Variants in KLHL6 observed in about 807,000 individuals in gnomAD.
The protein encoded by KLHL6 is kelch like family member 6.
Under a neutral mutation model 58.6 loss-of-function variants are expected in KLHL6, and 41 were observed. That is an observed-to-expected ratio of 0.70 (90% CI 0.55 to 0.91). The LOEUF is 0.91. Among genes scored for constraint, KLHL6 ranks in the 40% least tolerant of loss-of-function variants. KLHL6 has a pLI of 0.00. For synonymous variants in KLHL6, 338 were observed against 322.7 expected (o/e 1.05, Z -0.51); for missense variants, 714 against 805.6 (o/e 0.89, Z 1.38).
chr3:183,491,791 C>A lies in KLHL6; in HGVS notation c.*136G>T. On this transcript the variant is annotated 3_prime_UTR_variant, in exon 7 of 7. Transcript: ENST00000341319. ...CCAAACTGTGACTTCCAAGGTTCCC[C>A]CAAAGTGAGTCAAGGGGATCCCCTG... The A allele has an allele frequency of 2.7e-6, 2 of 737,318 alleles. No individual in the cohort carries two copies. Among genetic ancestry groups the A allele is most frequent in the Non-Finnish European group, 4.0e-6 (2 of 501,514 alleles). 45.7% of individuals were successfully genotyped at this position (737,318 alleles called of 1,614,324 possible). A position where few individuals can be genotyped will look rare whatever the true frequency, so the allele number is the denominator to read the frequency against.
rs567055555 is a variant in KLHL6, at chr3:183,549,632, C to T, written c.293+5729G>A. 2.6e-5 allele frequency among the ~76,000 whole-genome samples: 4 copies of T among 152,316 alleles called. No homozygotes were observed. The East Asian group carries it at 7.7e-4, about 29-fold the overall frequency. Reference sequence around the variant, plus strand: ...CAAGCAATTCTCCTGCTTCAGCCTCCCGAGTAGCTGGGACTACAGGCATGT... The same window carrying T: ...CAAGCAATTCTCCTGCTTCAGCCTCTCGAGTAGCTGGGACTACAGGCATGT... On this transcript the variant is annotated intron_variant, in intron 1 of 6. Coordinates refer to ENST00000341319, the MANE Select transcript of KLHL6 (RefSeq NM_130446.4).
intron 1 of KLHL6, among the ~76,000 whole-genome samples, chr3:183,543,997 C>G (rs1023064135): frequency 1.6e-4 from 25 of 152,022 alleles, no homozygotes; most frequent in African/African-American, 6.0e-4. Context: ...AACCCCATCT[C>G]TACTAAAAAT....
At chr3:183,495,232 C>T (rs887201674) in intron 4 of KLHL6, among the ~76,000 whole-genome samples, 8 of 152,152 alleles carry the variant, frequency 5.3e-5, no homozygotes, top group Admixed American at 3.9e-4. Flanking sequence ...TAGGTGCAGC[C>T]AAGGCATCCT....
Position 183,491,048 on chromosome 3 carries a change from T to C in KLHL6, c.*879A>G, listed in dbSNP as rs1426706505. On this transcript the variant is annotated 3_prime_UTR_variant, in exon 7 of 7. Transcript: ENST00000341319. Reference sequence around the variant, plus strand: ...ACCTTTATTTCCCTGCTGTGCTGAGTGAATCTTTTAGCAGACTTGCCGAAA... The same window carrying C: ...ACCTTTATTTCCCTGCTGTGCTGAGCGAATCTTTTAGCAGACTTGCCGAAA... The C allele has an allele frequency of 6.6e-6, 1 of 152,128 alleles. No homozygotes were observed. The highest frequency in any genetic ancestry group is 1.5e-5 in the Non-Finnish European group (1 of 68,026). 9.4% of individuals were successfully genotyped at this position (152,128 alleles called of 1,614,324 possible).
At position 183,495,476 on chromosome 3, in the gene KLHL6, A is replaced by T. The variant is rs138587489; in HGVS notation, c.1148-1195T>A. ...CCTTTCAGAGGTCTCCATTTATTCAAAACATTGATCCCATTTAGGTAGCAT... is the reference window on the plus strand; with the variant it reads ...CCTTTCAGAGGTCTCCATTTATTCATAACATTGATCCCATTTAGGTAGCAT... On this transcript the variant is annotated intron_variant, in intron 4 of 6. Transcript: ENST00000341319. Among the ~76,000 whole-genome samples, 261 of 152,262 alleles carry T rather than the reference A, an allele frequency of 1.7e-3. 1 individual carries two copies. Among genetic ancestry groups the T allele is most frequent in the Middle Eastern group, 0.017 (5 of 294 alleles).
intron 2 of KLHL6, chr3:183,520,250 T>G (rs1711711332): frequency 6.6e-6 from 1 of 151,866 alleles, no homozygotes; most frequent in African/African-American, 2.4e-5. Context: ...AAGTTATACC[T>G]AAAAATAAAA....
intron 1 of KLHL6, among the ~76,000 whole-genome samples, chr3:183,549,561 T>C (rs920055791): frequency 2.1e-4 from 32 of 152,136 alleles, no homozygotes; most frequent in Non-Finnish European, 2.2e-4. Context: ...CCGGCTGGAG[T>C]GCAGTGGCAT....
chr3:183,507,217 C>T (rs2108673624), intron 3 of KLHL6, among the ~76,000 whole-genome samples: 1 of 152,150 alleles, frequency 6.6e-6, no homozygotes, highest in South Asian at 2.1e-4. Flanking sequence ...GATCTTTCAG[C>T]TGGTGAATAA....
chr3:183,555,484 A>G lies in KLHL6; in HGVS notation c.170T>C (p.Ile57Thr), dbSNP rs138125421. Residue 57 changes from isoleucine to threonine, a missense_variant, in exon 1 of 7, where the codon ATT becomes ACT. By Grantham distance (89) the Ile-to-Thr change is moderately conservative. Transcript: ENST00000341319. ...VKFDDAGLSLILQNGLETLRM... is the reference protein window; with the variant it reads ...VKFDDAGLSLTLQNGLETLRM... ...CAGGGTTTCCAGGCCATTCTGAAGA[A>G]TTAAGGAGAGTCCCGCGTCGTCAAA... The G allele has an allele frequency of 6.2e-7, 1 of 1,614,180 alleles. No homozygotes were observed. Among genetic ancestry groups the G allele is most frequent in the Non-Finnish European group, 8.5e-7 (1 of 1,180,022 alleles).
chr3:183,488,969 A>G lies in KLHL6; in HGVS notation c.*2958T>C, dbSNP rs941390785. ...ATTCACCTGCATATCTGGTGTTGTA[A>G]AAAATCATAAAGAGTGTTTCCATGA... is the stretch of plus-strand genomic sequence containing the variant. On this transcript the variant is annotated 3_prime_UTR_variant, in exon 7 of 7. Coordinates refer to ENST00000341319, the MANE Select transcript of KLHL6 (RefSeq NM_130446.4). 1.3e-5 allele frequency: 2 copies of G among 152,228 alleles called. No homozygotes were observed. Among genetic ancestry groups the G allele is most frequent in the African/African-American group, 4.8e-5 (2 of 41,464 alleles). The allele number at this position is 152,228 out of a possible 1,614,324, so 9.4% of individuals were successfully genotyped here.
intron 1 of KLHL6, among the ~76,000 whole-genome samples, chr3:183,553,016 C>T (rs760910960): frequency 5.5e-4 from 84 of 152,102 alleles, no homozygotes; most frequent in Non-Finnish European, 1.0e-3. Context: ...GCCTGGCCCA[C>T]AGTAAGCGCT....
chr3:183,548,749 G>C (rs545419427), intron 1 of KLHL6: 1 of 152,320 alleles, frequency 6.6e-6, no homozygotes, highest in South Asian at 2.1e-4. Context: ...TGTCAGAAAA[G>C]AGTCAGAAAG....
At chr3:183,500,558 C>T (rs1269408726) in intron 3 of KLHL6, among the ~76,000 whole-genome samples, 1 of 152,190 alleles carries the variant, frequency 6.6e-6, no homozygotes, top group Admixed American at 6.5e-5. Flanking sequence ...GTAATCATTG[C>T]TGTGCTATCA....
rs1560092321 is a variant in KLHL6, at chr3:183,499,458, A to C, written c.1147+132T>G. 2 of 651,424 alleles carry C rather than the reference A, an allele frequency of 3.1e-6. No individual in the cohort carries two copies. The highest frequency in any genetic ancestry group is 5.4e-6 in the Non-Finnish European group (2 of 370,242). 40.4% of individuals were successfully genotyped at this position (651,424 alleles called of 1,614,324 possible). A position where few individuals can be genotyped will look rare whatever the true frequency, so the allele number is the denominator to read the frequency against. On this transcript the variant is annotated intron_variant, in intron 4 of 6. Coordinates refer to ENST00000341319, the MANE Select transcript of KLHL6 (RefSeq NM_130446.4). This position sits in a 1 kb window ranked among gnomAD's most constrained non-coding sequence, Gnocchi z 4.6. ...TAAGACCACCTGAGCTCCTGGGTCC[A>C]TATCCTGTCTCAGTCAGAGCCGGAT... is the stretch of plus-strand genomic sequence containing the variant.
intron 3 of KLHL6, among the ~76,000 whole-genome samples, chr3:183,501,672 T>C (rs1011364455): frequency 2.8e-4 from 43 of 152,318 alleles, no homozygotes; most frequent in African/African-American, 9.9e-4. Context: ...CTCCTCCTGC[T>C]GGCTAAATTT....
chr3:183,492,566 A>T lies in KLHL6; in HGVS notation c.1492T>A (p.Leu498Met). Residue 498 changes from leucine to methionine, a missense_variant, in exon 6 of 7, where the codon TTG becomes ATG. Coordinates refer to ENST00000341319, the MANE Select transcript of KLHL6 (RefSeq NM_130446.4). This position sits in a 1 kb window ranked among gnomAD's most constrained non-coding sequence, Gnocchi z 5.9. ...CYDPSTNKWSLKAAMPVEAKC... is the reference protein window; with the variant it reads ...CYDPSTNKWSMKAAMPVEAKC... Reference sequence around the variant, plus strand: ...GCCTCCACGGGCATGGCCGCCTTCAAACTCCACTTGTTGGTGGAAGGGTCA... The same window carrying T: ...GCCTCCACGGGCATGGCCGCCTTCATACTCCACTTGTTGGTGGAAGGGTCA... 1 of 1,614,252 alleles carries T rather than the reference A, an allele frequency of 6.2e-7. No individual in the cohort carries two copies. The highest frequency in any genetic ancestry group is 8.5e-7 in the Non-Finnish European group (1 of 1,180,044).
chr3:183,529,309 AAG>A (rs1016986218), intron 1 of KLHL6, among the ~76,000 whole-genome samples: 5 of 152,188 alleles, frequency 3.3e-5, no homozygotes, highest in African/African-American at 1.2e-4. Context: ...AAGTTTAAAA[AAG>A]AGAGATATAG....
chr3:183,508,027 G>A, intron 3 of KLHL6, 32 bp downstream of exon 3: 1 of 1,586,374 alleles, frequency 6.3e-7, no homozygotes, highest in South Asian at 1.1e-5. Context: ...TACTTCGCTG[G>A]TTAAATATAG....
At chr3:183,531,953 G>T (rs1712178689) in intron 1 of KLHL6, among the ~76,000 whole-genome samples, 1 of 152,146 alleles carries the variant, frequency 6.6e-6, no homozygotes, top group Admixed American at 6.5e-5. Flanking sequence ...GTTGATGCCG[G>T]AATAAATTAA....
Sources: gnomAD v4.1 joint callset for allele counts (sites outside exome capture counted in the v4.1 genomes callset) on GRCh38, gnomAD v4.1.1 for gene constraint, Gnocchi (gnomAD v3.1) non-coding constraint, MANE v1.5 for transcripts, NCBI Gene and HGNC (gene_info 2026-07-23, HGNC 2026-07-21) for gene names.